Variants in PHLDB3 observed in about 807,000 individuals in gnomAD.
The protein encoded by PHLDB3 is pleckstrin homology-like domain family B member 3.
PHLDB3 carries 86 observed loss-of-function variants against 85.7 expected under a neutral mutation model. The observed-to-expected ratio is 1.00, with a 90% confidence interval of 0.84 to 1.20. PHLDB3 has a LOEUF of 1.20. PHLDB3 is among the 50% of genes most tolerant of loss of function. The pLI, the probability that PHLDB3 is intolerant of heterozygous loss-of-function variation, is 0.00. For synonymous variants in PHLDB3, 376 were observed against 349.8 expected, an observed-to-expected ratio of 1.07 and a Z score of -0.83; for missense variants, 995 against 873.0, an observed-to-expected ratio of 1.14 and a Z score of -1.76.
At chr19:43,477,602 G>T (rs1488731835) in intron 15 of PHLDB3, among the ~76,000 whole-genome samples, 1 of 151,006 alleles carries the variant, frequency 6.6e-6, no homozygotes, top group Non-Finnish European at 1.5e-5. Context: ...AGATCATGAG[G>T]TCAGGAGTTT....
At chr19:43,481,576 C>T (rs1971047753) in intron 13 of PHLDB3, among the ~76,000 whole-genome samples, 1 of 152,002 alleles carries the variant, frequency 6.6e-6, no homozygotes, top group Non-Finnish European at 1.5e-5. Flanking sequence ...CAAGATGGCA[C>T]CATTGCACTC....
At chr19:43,500,923 C>CCCCCCA (rs1555757872) in intron 4 of PHLDB3, among the ~76,000 whole-genome samples, 1 of 105,760 alleles carries the variant, frequency 9.5e-6, no homozygotes, top group Non-Finnish European at 2.2e-5. Flanking sequence ...CCCCCCCACC[C>CCCCCCA]CGCAAGTACT....
At chr19:43,492,201 T>C (rs1280030073) in intron 9 of PHLDB3, among the ~76,000 whole-genome samples, 1 of 151,726 alleles carries the variant, frequency 6.6e-6, no homozygotes, top group African/African-American at 2.4e-5. Flanking sequence ...TCCGCCTGTC[T>C]CCGCCTCCCA....
At chr19:43,476,611 T>C (rs8113360) in intron 15 of PHLDB3, among the ~76,000 whole-genome samples, 3,099 of 151,360 alleles carry the variant, frequency 0.02, 92 homozygotes, top group African/African-American at 0.069. Flanking sequence ...TGCAGTGAGC[T>C]ATGATTGTAC....
chr19:43,487,186 A>AC (rs1971190331), intron 9 of PHLDB3, 63 bp from the exon 10 acceptor site: 22 of 1,398,856 alleles, frequency 1.6e-5, no homozygotes, highest in Non-Finnish European at 2.2e-5. Context: ...AAGTCAGAGC[A>AC]CTGCCCAGTG....
chr19:43,494,311 C>T (rs1971389649), intron 9 of PHLDB3, among the ~76,000 whole-genome samples: 1 of 152,090 alleles, frequency 6.6e-6, no homozygotes, highest in Admixed American at 6.6e-5. Flanking sequence ...TGCTGGGCGC[C>T]TGTTTTAACT....
At chr19:43,480,290 AAAG>A (rs1265143053) in intron 13 of PHLDB3, among the ~76,000 whole-genome samples, 1 of 148,574 alleles carries the variant, frequency 6.7e-6, no homozygotes, top group Admixed American at 6.7e-5. Context: ...AAAAAAAAAA[AAAG>A]GAGAGAGAGA....
rs374614270 is a variant in PHLDB3 at position 43,503,919 on chromosome 19, C to T, written c.200G>A (p.Ser67Asn). 2.1e-5 allele frequency: 34 copies of T among 1,613,756 alleles called. 1 individual carries two copies. In the African/African-American group the frequency reaches 3.7e-4, roughly 18 times the overall value. The change falls in exon 2 of 16, where the codon AGC (serine) becomes AAC (asparagine). Residue 67 changes from serine to asparagine, a missense_variant. Coordinates refer to ENST00000292140, the MANE Select transcript of PHLDB3 (RefSeq NM_198850.4). ...CGGGCCCCTCACCGCGTCGCGGCTG[C>T]TCTCAGTGCTGCTGCCTTCTCCCAC... is the stretch of plus-strand genomic sequence containing the variant. ...EEVGEGSSTESSRDAPEATPP... is the reference protein window; with the variant it reads ...EEVGEGSSTENSRDAPEATPP...
At position 43,496,807 on chromosome 19, in the gene PHLDB3, C is replaced by T. The variant is rs1971467344; in HGVS notation, c.825+311G>A. 3.8e-5 allele frequency: 15 copies of T among 395,276 alleles called. No individual in the cohort carries two copies. In the East Asian group the frequency reaches 5.5e-4, roughly 14 times the overall value. 24.5% of individuals were successfully genotyped at this position (395,276 alleles called of 1,614,324 possible). A position where few individuals can be genotyped will look rare whatever the true frequency, so the allele number is the denominator to read the frequency against. On this transcript the variant is annotated intron_variant, in intron 6 of 15. Coordinates refer to ENST00000292140, the MANE Select transcript of PHLDB3 (RefSeq NM_198850.4). ...AAATAAAAAAATCCTGGCTCTGTCC[C>T]TTACTAAGGAAACTTGGAAAAGATT...
chr19:43,489,372 T>A (rs1482024795), intron 9 of PHLDB3, among the ~76,000 whole-genome samples: 1 of 35,540 alleles, frequency 2.8e-5, no homozygotes, highest in African/African-American at 1.3e-4. Flanking sequence ...TCTTAAAGTT[T>A]TTTTTTTTTT....
rs538200924 is a variant in PHLDB3, at chr19:43,497,100, T to C, written c.825+18A>G. The C allele has an allele frequency of 1.4e-5, 20 of 1,441,202 alleles. No individual in the cohort carries two copies. The highest frequency in any genetic ancestry group is 3.0e-5 in the South Asian group (2 of 66,820). The allele number at this position is 1,441,202 out of a possible 1,614,324, so 89.3% of individuals were successfully genotyped here. ...AGAGGAGCAGCAAGGGGGGCAGCGCTGGTCAGGCATGACTCACTCTGTGCT... is the reference window on the plus strand; with the variant it reads ...AGAGGAGCAGCAAGGGGGGCAGCGCCGGTCAGGCATGACTCACTCTGTGCT... On this transcript the variant is annotated intron_variant, in intron 6 of 15. Transcript: ENST00000292140.
At chr19:43,504,500 C>A (rs912192434) in intron 1 of PHLDB3, 89 bp downstream of exon 1, 1 of 262,300 alleles carries the variant, frequency 3.8e-6, no homozygotes. Context: ...CGAGACTCAG[C>A]AGTTCGGCTC....
chr19:43,500,957 G>A (rs1599960414), intron 4 of PHLDB3, among the ~76,000 whole-genome samples: 1 of 131,014 alleles, frequency 7.6e-6, no homozygotes, highest in East Asian at 2.3e-4. Context: ...TGAGCCACTT[G>A]GCCCAGCCTA....
Position 43,497,160 on chromosome 19 carries a change from G to T in PHLDB3, c.783C>A (p.Asp261Glu). The part of the protein sequence containing the change: ...DRDSPGPQVP[D>E]PKVQELQASM... ...TGGCCTGGAGTTCCTGGACCTTGGG[G>T]TCTGGCACCTGGGGCCCAGGGCTGT... Residue 261 changes from aspartate to glutamate, a missense_variant, in exon 6 of 16, where the codon GAC becomes GAA. By Grantham distance (45) the Asp-to-Glu change is conservative. Coordinates refer to ENST00000292140, the MANE Select transcript of PHLDB3 (RefSeq NM_198850.4). 6.4e-7 allele frequency: 1 copy of T among 1,556,928 alleles called. No homozygotes were observed. Among genetic ancestry groups the T allele is most frequent in the East Asian group, 2.4e-5 (1 of 41,048 alleles).
intron 2 of PHLDB3, among the ~76,000 whole-genome samples, chr19:43,503,534 C>T (rs1216151305): frequency 6.6e-6 from 1 of 152,006 alleles, no homozygotes; most frequent in Non-Finnish European, 1.5e-5. Context: ...GTCTCGAACT[C>T]CTGGGCTTAA....
chr19:43,501,475 G>T, intron 4 of PHLDB3: 1 of 619,002 alleles, frequency 1.6e-6, no homozygotes, highest in Non-Finnish European at 2.7e-6. Flanking sequence ...GTGAGCCACT[G>T]CTTCCGGCCA....
chr19:43,492,068 G>C (rs1971332194), intron 9 of PHLDB3, among the ~76,000 whole-genome samples: 1 of 149,172 alleles, frequency 6.7e-6, no homozygotes, highest in South Asian at 2.1e-4. Context: ...CGATTCTTCT[G>C]TCTCAGCCTC....
At position 43,497,201 on chromosome 19, in the gene PHLDB3, C is replaced by G. The variant is rs770981637; in HGVS notation, c.742G>C (p.Glu248Gln). The change falls in exon 6 of 16, where the codon GAG becomes CAG. Residue 248 changes from glutamate (E) to glutamine (Q), a missense_variant. Transcript: ENST00000292140. ...CCAGGGCTGTCCCGATCCTCCTCCT[C>G]CTGCCGGCTCTCCCGCTCCAGTTGC... ...FQQLERESRQ[E>Q]EEDRDSPGPQ... The G allele has an allele frequency of 1.3e-6, 2 of 1,558,174 alleles. No individual in the cohort carries two copies. The highest frequency in any genetic ancestry group is 4.8e-5 in the East Asian group (2 of 41,382).
chr19:43,475,315 C>G lies in PHLDB3; in HGVS notation c.*95G>C, dbSNP rs1568470449. The G allele has an allele frequency of 7.3e-6, 11 of 1,498,966 alleles. No individual in the cohort carries two copies. Among genetic ancestry groups the G allele is most frequent in the Non-Finnish European group, 9.9e-6 (11 of 1,110,138 alleles). The allele number at this position is 1,498,966 out of a possible 1,614,324, so 92.9% of individuals were successfully genotyped here. On this transcript the variant is annotated 3_prime_UTR_variant, in exon 16 of 16. Coordinates refer to ENST00000292140, the MANE Select transcript of PHLDB3 (RefSeq NM_198850.4). ...CCGGGAGAGTTCCAAAGCGGTGCGTCCAAGTTTTCCGGCAGTGGGCGGGGC... is the reference window on the plus strand; with the variant it reads ...CCGGGAGAGTTCCAAAGCGGTGCGTGCAAGTTTTCCGGCAGTGGGCGGGGC...
Sources: gnomAD v4.1 joint callset for allele counts (sites outside exome capture counted in the v4.1 genomes callset) on GRCh38, gnomAD v4.1.1 for gene constraint, MANE v1.5 for transcripts, NCBI Gene and HGNC (gene_info 2026-07-23, HGNC 2026-07-21) for gene names.